Variants in MAPK14 observed in about 807,000 individuals in gnomAD.
MAPK14 encodes the protein CSAID-binding protein.
MAPK14 carries 16 observed loss-of-function variants against 49.6 expected under a neutral mutation model. That is an observed-to-expected ratio of 0.32 (90% confidence interval 0.22 to 0.49). MAPK14 has a LOEUF of 0.49. MAPK14 is among the 20% of genes least tolerant of loss of function. MAPK14 has a pLI of 0.99. For synonymous variants in MAPK14, 142 were observed against 158.0 expected (o/e 0.90, Z 0.76); for missense variants, 200 against 441.2 (o/e 0.45, Z 4.90).
At chr6:36,065,382 G>A (rs1041155180) in intron 3 of MAPK14, among the ~76,000 whole-genome samples, 4 of 152,166 alleles carry the variant, frequency 2.6e-5, no homozygotes, top group Non-Finnish European at 5.9e-5. Context: ...GACATGGGGT[G>A]TCTTCAGGAA....
chr6:36,058,863 C>T (rs1053332897), intron 2 of MAPK14, among the ~76,000 whole-genome samples: 12 of 147,972 alleles, frequency 8.1e-5, no homozygotes, highest in African/African-American at 3.0e-4. Flanking sequence ...GCTTGTGTGT[C>T]AAGAGTGAGA....
At chr6:36,040,315 C>T (rs143809869) in intron 1 of MAPK14, among the ~76,000 whole-genome samples, 2 of 152,082 alleles carry the variant, frequency 1.3e-5, no homozygotes, top group African/African-American at 2.4e-5. Flanking sequence ...TATCTCTTGA[C>T]GGGTAGGGAG....
rs183376058 is a variant in MAPK14, at chr6:36,092,673, T to A, written c.683-3314T>A. 6.0e-5 allele frequency: 21 copies of A among 351,844 alleles called. No homozygotes were observed. The Admixed American group carries it at 6.2e-4, about 10-fold the overall frequency. 21.8% of individuals were successfully genotyped at this position (351,844 alleles called of 1,614,324 possible). A position where few individuals can be genotyped will look rare whatever the true frequency, so the allele number is the denominator to read the frequency against. ...CTTTTCAAACTAGTCTTTACAGCCCTCAGGAGAGAAGTTCACCTCCAAAGT... is the reference window on the plus strand; with the variant it reads ...CTTTTCAAACTAGTCTTTACAGCCCACAGGAGAGAAGTTCACCTCCAAAGT... On this transcript the variant is annotated intron_variant, in intron 8 of 11. Transcript: ENST00000229794.
At chr6:36,036,822 C>A (rs620493) in intron 1 of MAPK14, among the ~76,000 whole-genome samples, 7,140 of 152,132 alleles carry the variant, frequency 0.047, 408 homozygotes, top group African/African-American at 0.13. Context: ...CTCACTGCAC[C>A]CTCCACCTCC....
At chr6:36,097,106 CAAAAT>C (rs1247947489) in intron 9 of MAPK14, 3 of 152,166 alleles carry the variant, frequency 2.0e-5, no homozygotes, top group African/African-American at 4.8e-5. Context: ...ATCTTCCTGA[CAAAAT>C]AAAGAATACC....
intron 1 of MAPK14, among the ~76,000 whole-genome samples, chr6:36,049,764 A>C (rs116484958): frequency 6.6e-6 from 1 of 152,318 alleles, no homozygotes; most frequent in Non-Finnish European, 1.5e-5. Flanking sequence ...TGCAAGAGAG[A>C]AGAGGAATGA....
intron 6 of MAPK14, 151 bp from the exon 7 acceptor site, chr6:36,075,697 A>G: frequency 1.0e-6 from 1 of 987,758 alleles, no homozygotes; most frequent in Non-Finnish European, 1.5e-6. Context: ...ATACATTCTA[A>G]GTATGGACCA....
intron 1 of MAPK14, among the ~76,000 whole-genome samples, chr6:36,038,741 T>G (rs1762844454): frequency 6.6e-6 from 1 of 151,928 alleles, no homozygotes; most frequent in Non-Finnish European, 1.5e-5. Flanking sequence ...CCAGTCCAGC[T>G]CTTTAAATAA....
intron 1 of MAPK14, among the ~76,000 whole-genome samples, chr6:36,039,680 T>C (rs1762884903): frequency 6.6e-6 from 1 of 152,070 alleles, no homozygotes; most frequent in Admixed American, 6.6e-5. Context: ...TTACAGAGAT[T>C]TTAAAAAAAA....
chr6:36,108,196 C>G (rs930555191), intron 11 of MAPK14, among the ~76,000 whole-genome samples, 184 bp from the exon 12 acceptor site: 1 of 152,180 alleles, frequency 6.6e-6, no homozygotes, highest in Non-Finnish European at 1.5e-5. Flanking sequence ...TGGTTCTTTT[C>G]TATGTCCCTT....
At chr6:36,100,017 G>C (rs1165068328) in intron 9 of MAPK14, among the ~76,000 whole-genome samples, 1 of 152,174 alleles carries the variant, frequency 6.6e-6, no homozygotes, top group Non-Finnish European at 1.5e-5. Context: ...AGTTACTCAT[G>C]TCATTCACAG....
intron 2 of MAPK14, among the ~76,000 whole-genome samples, chr6:36,058,935 G>A (rs1763691732): frequency 1.3e-5 from 2 of 150,582 alleles, no homozygotes; most frequent in Non-Finnish European, 2.9e-5. Flanking sequence ...ACTCTCCCAG[G>A]CTGGAGTGCA....
intron 1 of MAPK14, among the ~76,000 whole-genome samples, chr6:36,046,682 A>T (rs1301853780): frequency 1.3e-5 from 2 of 152,196 alleles, no homozygotes. Flanking sequence ...TGTAATAATA[A>T]ATTGTGATTG....
intron 3 of MAPK14, among the ~76,000 whole-genome samples, chr6:36,060,709 TTCTG>T (rs1211926917): frequency 6.6e-6 from 1 of 152,180 alleles, no homozygotes; most frequent in Non-Finnish European, 1.5e-5. Flanking sequence ...AACTTCTATG[TTCTG>T]TCTAAGGAAA....
intron 1 of MAPK14, among the ~76,000 whole-genome samples, chr6:36,042,320 TG>T (rs201817008): frequency 0.012 from 1,807 of 152,266 alleles, 18 homozygotes; most frequent in Non-Finnish European, 0.019. Flanking sequence ...TTGGTCTTGG[TG>T]GAGTGTAAAG....
At chr6:36,057,075 A>T (rs1046427460) in intron 2 of MAPK14, among the ~76,000 whole-genome samples, 1 of 152,232 alleles carries the variant, frequency 6.6e-6, no homozygotes, top group Non-Finnish European at 1.5e-5. Context: ...TGACAATATT[A>T]AGATCCTTAA....
intron 3 of MAPK14, among the ~76,000 whole-genome samples, chr6:36,071,117 G>A (rs768054403): frequency 1.7e-4 from 26 of 152,166 alleles, no homozygotes; most frequent in Admixed American, 7.8e-4. Context: ...TGGATCACTT[G>A]AGATCAGGAG....
chr6:36,037,221 A>G (rs1445185198), intron 1 of MAPK14, among the ~76,000 whole-genome samples: 2 of 152,100 alleles, frequency 1.3e-5, no homozygotes, highest in East Asian at 3.9e-4. Context: ...CTGGAACTGA[A>G]CTCATGATAT....
At chr6:36,052,867 G>C (rs749343313) in intron 2 of MAPK14, 39 bp downstream of exon 2, 1 of 1,564,714 alleles carries the variant, frequency 6.4e-7, no homozygotes, top group Non-Finnish European at 8.7e-7. Flanking sequence ...TTTTGATCTT[G>C]AATAGACTGG....
Sources: gnomAD v4.1 joint callset for allele counts (sites outside exome capture counted in the v4.1 genomes callset) on GRCh38, gnomAD v4.1.1 for gene constraint, MANE v1.5 for transcripts, NCBI Gene and HGNC (gene_info 2026-07-23, HGNC 2026-07-21) for gene names.